The following SEPHS1 variants were observed in gnomAD, a reference collection of about 807,000 sequenced individuals.
SEPHS1 encodes selenophosphate synthetase 1, also known as zincore component SEPHS1.
SEPHS1 carries 7 observed loss-of-function variants against 39.2 expected under a neutral mutation model. That is an observed-to-expected ratio of 0.18 (90% CI 0.10 to 0.34). SEPHS1 has a LOEUF of 0.34. Ranked by LOEUF, SEPHS1 falls within the 10% of genes least tolerant of loss-of-function variation. The pLI, the probability that SEPHS1 is intolerant of heterozygous loss-of-function variation, is 1.00. For missense variants in SEPHS1, 253 were observed against 514.5 expected, an observed-to-expected ratio of 0.49 and a Z score of 4.92; for synonymous variants, 190 against 195.5, an observed-to-expected ratio of 0.97 and a Z score of 0.23.
intron 8 of SEPHS1, among the ~76,000 whole-genome samples, chr10:13,321,021 C>T (rs905094290): frequency 3.3e-5 from 5 of 152,148 alleles, no homozygotes; most frequent in African/African-American, 9.6e-5. Context: ...TTTTTTTAAA[C>T]GGGAGGCTGA....
rs961052050 is a variant in SEPHS1 at position 13,320,792 on chromosome 10, C to T, written c.965-1436G>A. On this transcript the variant is annotated intron_variant, in intron 8 of 8. Coordinates refer to ENST00000327347, the MANE Select transcript of SEPHS1 (RefSeq NM_012247.5). ...GCAGTGAGCTGAGATCGCGCCATTG[C>T]ACTCCAGCCTGGGTGACAAGAGGAA... is the stretch of plus-strand genomic sequence containing the variant. Among the ~76,000 whole-genome samples, 10 of 152,202 alleles carry T rather than the reference C, an allele frequency of 6.6e-5. 1 individual carries two copies. The South Asian group carries it at 8.3e-4, about 13-fold the overall frequency.
At chr10:13,321,702 T>C (rs1003471628) in intron 8 of SEPHS1, among the ~76,000 whole-genome samples, 11 of 152,058 alleles carry the variant, frequency 7.2e-5, no homozygotes, top group African/African-American at 2.4e-4. Context: ...AAAAGAGAAA[T>C]GGTACTTCAG....
rs183223110 is a variant in SEPHS1 at position 13,325,009 on chromosome 10, T to A, written c.752-1962A>T. On this transcript the variant is annotated intron_variant, in intron 7 of 8. Transcript: ENST00000327347. ...GTCTTTGGGCCATGTTTAAATTGAG[T>A]TGTTTTTTATTATTGAGTTTTAAGA... Among the ~76,000 whole-genome samples, 14 of 152,270 alleles carry A rather than the reference T, an allele frequency of 9.2e-5. No homozygotes were observed. The East Asian group carries it at 2.7e-3, about 29-fold the overall frequency.
chr10:13,323,928 T>C (rs890272864), intron 7 of SEPHS1, among the ~76,000 whole-genome samples: 3 of 152,146 alleles, frequency 2.0e-5, no homozygotes, highest in Non-Finnish European at 4.4e-5. Context: ...ACATTTTGTT[T>C]ATCCATTCAT....
chr10:13,345,057 A>G lies in SEPHS1; in HGVS notation c.-78-29T>C, dbSNP rs569650860. On this transcript the variant is annotated intron_variant, in intron 1 of 8. Coordinates refer to ENST00000327347, the MANE Select transcript of SEPHS1 (RefSeq NM_012247.5). The stretch of plus-strand genomic sequence containing the variant: ...GGTGTCACCAAAACACAAAGATGCC[A>G]TGAAAAGAATTCCCACTGGGACCTG... 4.8e-5 allele frequency: 49 copies of G among 1,028,466 alleles called. No individual in the cohort carries two copies. The African/African-American group carries it at 6.9e-4, about 14-fold the overall frequency. 63.7% of individuals were successfully genotyped at this position (1,028,466 alleles called of 1,614,324 possible).
chr10:13,335,464 G>T (rs971489842), intron 4 of SEPHS1, among the ~76,000 whole-genome samples: 2 of 149,930 alleles, frequency 1.3e-5, no homozygotes, highest in African/African-American at 4.9e-5. Flanking sequence ...AGGAGTTCGA[G>T]ACCAGCCTGA....
Position 13,320,306 on chromosome 10 carries a change from T to C in SEPHS1, c.965-950A>G, listed in dbSNP as rs1019044027. ...ACACCATTCTCCTGCCTCAGCCTCC[T>C]GAGTAGCTGGGACTACAGGCGCCCG... is the stretch of plus-strand genomic sequence containing the variant. On this transcript the variant is annotated intron_variant, in intron 8 of 8. Coordinates refer to ENST00000327347, the MANE Select transcript of SEPHS1 (RefSeq NM_012247.5). Among the ~76,000 whole-genome samples, 18 of 151,880 alleles carry C rather than the reference T, an allele frequency of 1.2e-4. No individual in the cohort carries two copies. In the South Asian group the frequency reaches 1.7e-3, roughly 14 times the overall value.
chr10:13,339,403 G>A (rs143125700), intron 2 of SEPHS1, among the ~76,000 whole-genome samples: 6 of 152,118 alleles, frequency 3.9e-5, no homozygotes, highest in Admixed American at 1.3e-4. Flanking sequence ...AAACACTCTG[G>A]CATCTATGTC....
At chr10:13,336,730 A>C (rs1326699031) in intron 3 of SEPHS1, among the ~76,000 whole-genome samples, 1 of 152,232 alleles carries the variant, frequency 6.6e-6, no homozygotes, top group Non-Finnish European at 1.5e-5. Flanking sequence ...ATGGAGCGAA[A>C]AAGCCTGCAA....
At position 13,318,200 on chromosome 10, in the gene SEPHS1, AAAT is replaced by A. The variant is rs1264263723; in HGVS notation, c.*939_*941del. On this transcript the variant is annotated 3_prime_UTR_variant, in exon 9 of 9. Transcript: ENST00000327347. ...CAAAAAAGTACTGGCGCAAAGGACA[AAAT>A]AATGCTAAGAATTAGGCCAAACAGC... The A allele has an allele frequency of 6.6e-6, 1 of 152,640 alleles. No homozygotes were observed. The highest frequency in any genetic ancestry group is 1.5e-5 in the Non-Finnish European group (1 of 68,036). The allele number at this position is 152,640 out of a possible 1,614,324, so 9.5% of individuals were successfully genotyped here.
rs1833997307 is a variant in SEPHS1 at position 13,348,188 on chromosome 10, TGCGGGA to T, written c.-273_-268del. 1 of 142,954 alleles carries T rather than the reference TGCGGGA, an allele frequency of 7.0e-6. No individual in the cohort carries two copies. The highest frequency in any genetic ancestry group is 1.5e-5 in the Non-Finnish European group (1 of 64,788). 8.9% of individuals were successfully genotyped at this position (142,954 alleles called of 1,614,324 possible). ...GGGCTCGCCTGCCTCGGCGCGGCCC[TGCGGGA>T]GCCGGGCCGCCGCGCTCCCGCCGGC... On this transcript the variant is annotated 5_prime_UTR_variant, in exon 1 of 9. Transcript: ENST00000327347.
At chr10:13,341,964 G>C (rs1833797731) in intron 2 of SEPHS1, among the ~76,000 whole-genome samples, 1 of 126,576 alleles carries the variant, frequency 7.9e-6, no homozygotes, top group Non-Finnish European at 1.6e-5. Flanking sequence ...GATGGAGTGA[G>C]ACTCTATCTC....
chr10:13,330,781 T>C (rs986258618), intron 5 of SEPHS1, among the ~76,000 whole-genome samples: 1 of 152,144 alleles, frequency 6.6e-6, no homozygotes, highest in Admixed American at 6.5e-5. Context: ...CCTGAAGACA[T>C]AAATGTCTTC....
At chr10:13,328,897 A>AG (rs1223724910) in intron 6 of SEPHS1, among the ~76,000 whole-genome samples, 1 of 152,206 alleles carries the variant, frequency 6.6e-6, no homozygotes, top group Non-Finnish European at 1.5e-5. Context: ...TCCCCATCAC[A>AG]GGGGGAGGAG....
chr10:13,321,440 G>T (rs7100588), intron 8 of SEPHS1, among the ~76,000 whole-genome samples: 1 of 151,724 alleles, frequency 6.6e-6, no homozygotes, highest in Admixed American at 6.6e-5. Context: ...TAGAGACAGG[G>T]TTTCACCATG....
At chr10:13,335,491 C>T (rs957411673) in intron 4 of SEPHS1, among the ~76,000 whole-genome samples, 1 of 151,632 alleles carries the variant, frequency 6.6e-6, no homozygotes, top group African/African-American at 2.4e-5. Context: ...TGGTGAAACC[C>T]CATCTCTACT....
At chr10:13,339,914 C>T (rs1048319071) in intron 2 of SEPHS1, among the ~76,000 whole-genome samples, 1 of 152,134 alleles carries the variant, frequency 6.6e-6, no homozygotes, top group African/African-American at 2.4e-5. Flanking sequence ...GGTTGAATCC[C>T]CCACGAGGAT....
In SEPHS1 at chr10:13,334,551, A is replaced by C. The variant is rs116048108; in HGVS notation, c.406-580T>G. 5.3e-3 allele frequency among the ~76,000 whole-genome samples: 808 copies of C among 152,006 alleles called. 3 individuals carry two copies. Among genetic ancestry groups the C allele is most frequent in the East Asian group, 0.04 (204 of 5,164 alleles). On this transcript the variant is annotated intron_variant, in intron 4 of 8. Transcript: ENST00000327347. ...AGTGAGACTTCATCTCAAAAACAAA[A>C]AAAAAAAATATTGCTTGGTGTGGTG...
At chr10:13,338,946 T>A in intron 2 of SEPHS1, 138 bp from the exon 3 acceptor site, 1 of 681,930 alleles carries the variant, frequency 1.5e-6, no homozygotes, top group Non-Finnish European at 2.7e-6. Flanking sequence ...ATGTGTTTCC[T>A]ATCAAGAAGC....
Sources: allele counts gnomAD v4.1 joint callset (sites outside exome capture counted in the v4.1 genomes callset), GRCh38; gene constraint gnomAD v4.1.1; transcripts MANE v1.5; gene names NCBI Gene and HGNC (gene_info 2026-07-23, HGNC 2026-07-21).